Variants in CPSF1 observed in about 807,000 individuals in gnomAD.
CPSF1 encodes the protein cleavage and polyadenylation specificity factor subunit 1.
In CPSF1, 106 loss-of-function variants were observed where a neutral mutation model predicts 175.8. The observed-to-expected ratio is 0.60, with a 90% confidence interval of 0.52 to 0.71. CPSF1 has a LOEUF of 0.71. CPSF1 is among the 30% of genes least tolerant of loss of function. The pLI is 0.00. For synonymous variants in CPSF1, 1,024 were observed against 858.3 expected, an observed-to-expected ratio of 1.19 and a Z score of -3.37; for missense variants, 1,734 against 2,022.9, an observed-to-expected ratio of 0.86 and a Z score of 2.74.
intron 2 of CPSF1, among the ~76,000 whole-genome samples, chr8:144,405,466 T>C (rs1217774910): frequency 6.6e-6 from 1 of 151,834 alleles, no homozygotes; most frequent in Non-Finnish European, 1.5e-5. Flanking sequence ...CTACCAAAAA[T>C]ACAAAAAATT....
Position 144,393,724 on chromosome 8 carries a change from T to C in CPSF1, c.4088A>G (p.Gln1363Arg). 4.4e-6 allele frequency: 7 copies of C among 1,573,116 alleles called. No individual in the cohort carries two copies. Among genetic ancestry groups the C allele is most frequent in the Non-Finnish European group, 6.0e-6 (7 of 1,166,122 alleles). Residue 1363 changes from glutamine to arginine, a missense_variant, in exon 36 of 38, where the codon CAG becomes CGG. Gln to Arg is a conservative substitution (Grantham distance 43). Coordinates refer to ENST00000616140, the MANE Select transcript of CPSF1 (RefSeq NM_013291.3). ...TGGCAGCATGGTGGTCAGCGCGTTC[T>C]GCAGCATCAGCAGCCGCCGGTAGGT... ...EKTYRRLLML[Q>R]NALTTMLPHH...
chr8:144,393,956 G>A lies in CPSF1; in HGVS notation c.3942C>T (p.Thr1314=), dbSNP rs1289008481. Residue 1314 remains threonine (T), a synonymous_variant, in exon 35 of 38, where the codon ACC becomes ACT. Transcript: ENST00000616140. ...GCCCTTCAGTGGCCCCCCGGCACGG[G>A]GTCCTCCAGAACGTGTTCACGTGGG... The part of the protein sequence containing the change: ...VGAHVNTFWR[T]PCRGATEGLS... 2 of 1,613,676 alleles carry A rather than the reference G, an allele frequency of 1.2e-6. No individual in the cohort carries two copies. Among genetic ancestry groups the A allele is most frequent in the East Asian group, 2.2e-5 (1 of 44,870 alleles).
chr8:144,400,540 A>T (rs2116876185), intron 7 of CPSF1, 47 bp from the exon 8 acceptor site: 4 of 1,609,390 alleles, frequency 2.5e-6, no homozygotes, highest in South Asian at 1.1e-5. Flanking sequence ...CCCCGCAGAG[A>T]CCCAGGCCCA....
At chr8:144,401,322 G>T (rs2116883555) in intron 4 of CPSF1, 31 bp from the exon 5 acceptor site, 5 of 1,593,318 alleles carry the variant, frequency 3.1e-6, no homozygotes, top group Middle Eastern at 1.6e-4. Context: ...CGTGGCTGCC[G>T]ACTGCCGGTC....
Position 144,400,653 on chromosome 8 carries a change from C to T in CPSF1, c.686+18G>A, listed in dbSNP as rs1821149366. 1 of 1,600,674 alleles carries T rather than the reference C, an allele frequency of 6.2e-7. No individual in the cohort carries two copies. The highest frequency in any genetic ancestry group is 1.3e-5 in the African/African-American group (1 of 74,808). ...CTAGGGGGCCCACAGTGCAGAGGGG[C>T]CTCCTTAGGGGGCTCACCCAGGCCA... On this transcript the variant is annotated intron_variant, in intron 7 of 37. Transcript: ENST00000616140.
At chr8:144,404,082 G>C (rs1821364611) in intron 2 of CPSF1, among the ~76,000 whole-genome samples, 2 of 151,496 alleles carry the variant, frequency 1.3e-5, no homozygotes, top group African/African-American at 4.8e-5. Context: ...AATTAGCTGG[G>C]TGTGGTGGCA....
chr8:144,408,820 G>A (rs1376886316), intron 2 of CPSF1, among the ~76,000 whole-genome samples, 195 bp downstream of exon 2: 24 of 152,228 alleles, frequency 1.6e-4, no homozygotes, highest in Admixed American at 1.6e-3. Context: ...GGTAGGAAGG[G>A]AGGCAGAACA....
rs782594174 is a variant in CPSF1, at chr8:144,397,841, G to A, written c.2112C>T (p.Leu704=). Residue 704 remains leucine (L), a synonymous_variant, in exon 21 of 38, where the codon CTC becomes CTT. Transcript: ENST00000616140. ...GGCTCTCAGTGGTGAACATGCCGCT[G>A]AGGTCTCGGTACAGGCACAGCGTAA... ...KVITLCLYRD[L]SGMFTTESRL... is the part of the protein sequence containing the mutation. 12 of 1,611,236 alleles carry A rather than the reference G, an allele frequency of 7.4e-6. No individual in the cohort carries two copies. The highest frequency in any genetic ancestry group is 2.7e-5 in the African/African-American group (2 of 74,896).
Position 144,395,088 on chromosome 8 carries a change from C to G in CPSF1, c.3272+10G>C. 6.2e-7 allele frequency: 1 copy of G among 1,607,266 alleles called. No individual in the cohort carries two copies. The highest frequency in any genetic ancestry group is 8.5e-7 in the Non-Finnish European group (1 of 1,176,270). ...TTGGGCAGACCCCACCCCCGCCGGC[C>G]CAGCCTCACCTGGCATTGGGAATAG... is the stretch of plus-strand genomic sequence containing the variant. On this transcript the variant is annotated intron_variant, in intron 29 of 37. Transcript: ENST00000616140.
Position 144,397,419 on chromosome 8 carries a change from G to A in CPSF1, c.2386-6C>T, listed in dbSNP as rs782719657. 5.1e-6 allele frequency: 8 copies of A among 1,576,342 alleles called. No individual in the cohort carries two copies. In the African/African-American group the frequency reaches 9.5e-5, roughly 19 times the overall value. ...CAGTCGGGAAGCTGGTAGATCTGCA[G>A]GGTGGGCAGCAGTCAGTGGAGGCAG... On this transcript the variant is annotated splice_region_variant and splice_polypyrimidine_tract_variant and intron_variant, in intron 22 of 37. Transcript: ENST00000616140.
At position 144,400,157 on chromosome 8, in the gene CPSF1, C is replaced by CCCCCCCCAAA; in HGVS notation, c.937+8_937+9insTTTGGGGGGG. 6.5e-7 allele frequency: 1 copy of CCCCCCCCAAA among 1,543,560 alleles called. No individual in the cohort carries two copies. The highest frequency in any genetic ancestry group is 8.8e-7 in the Non-Finnish European group (1 of 1,139,412). On this transcript the variant is annotated intron_variant, in intron 9 of 37. Coordinates refer to ENST00000616140, the MANE Select transcript of CPSF1 (RefSeq NM_013291.3). ...CGGGCCCCCCCCGCCCCAGCCACCC[C>CCCCCCCCAAA]ACACTCACGAAGCGGGAAAGCCGTG... is the stretch of plus-strand genomic sequence containing the variant.
At chr8:144,393,391 G>A in intron 37 of CPSF1, 26 bp from the exon 38 acceptor site, 5 of 644,758 alleles carry the variant, frequency 7.8e-6, no homozygotes, top group African/African-American at 2.0e-5. Flanking sequence ...GGGTGGGTGG[G>A]TGGGTGGGTG....
chr8:144,397,185 AG>A (rs1820827960), intron 23 of CPSF1, 21 bp downstream of exon 23: 1 of 1,517,834 alleles, frequency 6.6e-7, no homozygotes, highest in African/African-American at 1.4e-5. Context: ...TGGGAAGGGG[AG>A]GCCAGGCCAG....
chr8:144,399,790 G>A lies in CPSF1; in HGVS notation c.1110C>T (p.Leu370=). 6.4e-7 allele frequency: 1 copy of A among 1,571,510 alleles called. No individual in the cohort carries two copies. Among genetic ancestry groups the A allele is most frequent in the Non-Finnish European group, 8.6e-7 (1 of 1,158,932 alleles). ...FHFDKAAASV[L]TTSMVTMEPG... ...CCTAGTCCCAACTCACGCTGGTGGT[G>A]AGGACGCTGGCGGCCGCCTTGTCAA... Residue 370 remains leucine (L), a synonymous_variant, in exon 11 of 38, where the codon CTC becomes CTT. Coordinates refer to ENST00000616140, the MANE Select transcript of CPSF1 (RefSeq NM_013291.3). The surrounding 1 kb of genome is among the most constrained non-coding windows in gnomAD (Gnocchi z 6.4).
chr8:144,398,968 G>T lies in CPSF1; in HGVS notation c.1538C>A (p.Ser513Ter). ...TACCTGCCCACACACCTGCAGCACC[G>T]ACAAAGCCCCGTTCTTCCCGTGGCC... Reference protein sequence around the residue: ...CSGHGKNGALSVLQKSIRPQV... With the variant: ...CSGHGKNGAL The change falls in exon 16 of 38, where the codon TCG becomes TAG. Residue 513 changes from serine (S) to a stop codon, truncating the protein, a stop_gained. Transcript: ENST00000616140. LOFTEE classifies it high-confidence loss of function. 6.2e-7 allele frequency: 1 copy of T among 1,612,814 alleles called. No individual in the cohort carries two copies. Among genetic ancestry groups the T allele is most frequent in the Non-Finnish European group, 8.5e-7 (1 of 1,179,894 alleles).
chr8:144,397,353 G>A lies in CPSF1; in HGVS notation c.2446C>T (p.Arg816Trp), dbSNP rs782359045. ...FLVKNFPVGQ[R>W]VLVDSSFGQP... Reference sequence around the variant, plus strand: ...CCAAAGGAGCTGTCCACAAGGACCCGCTGCCCCACAGGGAAGTTCTTCACC... The same window carrying A: ...CCAAAGGAGCTGTCCACAAGGACCCACTGCCCCACAGGGAAGTTCTTCACC... Residue 816 changes from arginine (R) to tryptophan (W), a missense_variant, in exon 23 of 38, where the codon CGG becomes TGG. Transcript: ENST00000616140. 4 of 1,563,134 alleles carry A rather than the reference G, an allele frequency of 2.6e-6. No homozygotes were observed. Among genetic ancestry groups the A allele is most frequent in the Non-Finnish European group, 2.6e-6 (3 of 1,154,352 alleles).
rs1296320767 is a variant in CPSF1, at chr8:144,397,669, CCAG to C, written c.2211-11_2211-9del. On this transcript the variant is annotated splice_polypyrimidine_tract_variant and intron_variant, in intron 21 of 37. Coordinates refer to ENST00000616140, the MANE Select transcript of CPSF1 (RefSeq NM_013291.3). ...TCGTCATCCACTGTGGGGCTGGGGGCCAGCAGAAGGTCATGGGCGGCCTGCCAG... is the reference window on the plus strand; with the variant it reads ...TCGTCATCCACTGTGGGGCTGGGGGCCAGAAGGTCATGGGCGGCCTGCCAG... 1.9e-6 allele frequency: 3 copies of C among 1,542,818 alleles called. No homozygotes were observed. In the African/African-American group the frequency reaches 4.1e-5, roughly 21 times the overall value.
rs1481201975 is a variant in CPSF1 at position 144,393,429 on chromosome 8, CG to C, written c.4284+22del. On this transcript the variant is annotated intron_variant, in intron 37 of 37. Coordinates refer to ENST00000616140, the MANE Select transcript of CPSF1 (RefSeq NM_013291.3). ...GATGCACACGGAGGGGCGGGGCGCG[CG>C]GGGGGCGGGGCGCGCACTCACTATG... The C allele has an allele frequency of 2.8e-4, 150 of 533,792 alleles. No individual in the cohort carries two copies. The Admixed American group carries it at 5.3e-3, about 19-fold the overall frequency. The allele number at this position is 533,792 out of a possible 1,614,324, so 33.1% of individuals were successfully genotyped here. A position where few individuals can be genotyped will look rare whatever the true frequency, so the allele number is the denominator to read the frequency against.
rs2116866773 is a variant in CPSF1, at chr8:144,399,832, A to G, written c.1068T>C (p.Ser356=). The change falls in exon 11 of 38, where the codon AGT becomes AGC. Residue 356 remains serine (S), a synonymous_variant. Coordinates refer to ENST00000616140, the MANE Select transcript of CPSF1 (RefSeq NM_013291.3). The surrounding 1 kb of genome is among the most constrained non-coding windows in gnomAD (Gnocchi z 6.4). ...CCTTGTCAAAGTGGAACGCTCGGAC[A>G]CTGCGCATGCCGTCGGTGATGAGGG... ...VLTLITDGMR[S]VRAFHFDKAA... 3.9e-6 allele frequency: 6 copies of G among 1,555,984 alleles called. No homozygotes were observed. Among genetic ancestry groups the G allele is most frequent in the Non-Finnish European group, 3.5e-6 (4 of 1,150,208 alleles).
Sources: allele counts gnomAD v4.1 joint callset (sites outside exome capture counted in the v4.1 genomes callset), GRCh38; gene constraint gnomAD v4.1.1; non-coding constraint Gnocchi (gnomAD v3.1); transcripts MANE v1.5; gene names NCBI Gene and HGNC (gene_info 2026-07-23, HGNC 2026-07-21).